Variants in ZDHHC14 observed in about 807,000 individuals in gnomAD.
The protein encoded by ZDHHC14 is palmitoyltransferase ZDHHC14.
Under a neutral mutation model 47.7 loss-of-function variants are expected in ZDHHC14, and 16 were observed. The observed-to-expected ratio is 0.34, with a 90% CI of 0.23 to 0.51. The LOEUF (loss-of-function observed/expected upper bound fraction) is 0.51, where lower values mean the gene tolerates loss of function less well. ZDHHC14 is among the 20% of genes least tolerant of loss of function. The pLI is 0.97. For missense variants in ZDHHC14, 515 were observed against 662.5 expected (o/e 0.78, Z 2.44); for synonymous variants, 293 against 278.9 (o/e 1.05, Z -0.50).
chr6:157,589,044 GA>G (rs1783805259), intron 2 of ZDHHC14, among the ~76,000 whole-genome samples: 1 of 152,116 alleles, frequency 6.6e-6, no homozygotes, highest in African/African-American at 2.4e-5. Context: ...ATAAAGAAAA[GA>G]GGTTTTATTG....
chr6:157,563,982 C>T (rs1013404373), intron 2 of ZDHHC14, among the ~76,000 whole-genome samples: 1 of 152,180 alleles, frequency 6.6e-6, no homozygotes, highest in Admixed American at 6.5e-5. Flanking sequence ...ACCCCAAGGG[C>T]CAGACAGAAA....
At chr6:157,600,758 G>T (rs867428024) in intron 3 of ZDHHC14, among the ~76,000 whole-genome samples, 4 of 152,298 alleles carry the variant, frequency 2.6e-5, no homozygotes, top group Non-Finnish European at 4.4e-5. Context: ...GGAAGGTGTG[G>T]TAGGCAGAAT....
chr6:157,443,971 CTTA>C (rs997831877), intron 1 of ZDHHC14, among the ~76,000 whole-genome samples: 1 of 151,994 alleles, frequency 6.6e-6, no homozygotes, highest in Non-Finnish European at 1.5e-5. Flanking sequence ...GTATTGTTAT[CTTA>C]TTATTTTTCA....
At chr6:157,660,002 AT>A (rs1778276195) in intron 8 of ZDHHC14, among the ~76,000 whole-genome samples, 1 of 152,082 alleles carries the variant, frequency 6.6e-6, no homozygotes, top group Admixed American at 6.5e-5. Flanking sequence ...GCGCTTTAGA[AT>A]GGACAGAGCG....
intron 1 of ZDHHC14, among the ~76,000 whole-genome samples, chr6:157,462,997 G>A (rs1779129546): frequency 6.6e-6 from 1 of 152,218 alleles, no homozygotes; most frequent in Admixed American, 6.5e-5. Flanking sequence ...TTTCCTAAAA[G>A]TGCATAAAGA....
At chr6:157,650,110 G>C (rs1183352182) in intron 7 of ZDHHC14, among the ~76,000 whole-genome samples, 1 of 152,028 alleles carries the variant, frequency 6.6e-6, no homozygotes, top group Non-Finnish European at 1.5e-5. Flanking sequence ...AGGCACTGGG[G>C]GTGCACGGGA....
intron 1 of ZDHHC14, among the ~76,000 whole-genome samples, chr6:157,510,595 C>A (rs1780440248): frequency 1.3e-5 from 2 of 152,256 alleles, no homozygotes; most frequent in African/African-American, 4.8e-5. Flanking sequence ...AGGGCCTCCC[C>A]CTACCTTCTG....
intron 1 of ZDHHC14, among the ~76,000 whole-genome samples, chr6:157,443,622 A>G (rs1562426714): frequency 6.6e-6 from 1 of 152,224 alleles, no homozygotes; most frequent in Non-Finnish European, 1.5e-5. Context: ...AAACCAATCT[A>G]TGTGGTGAGG....
chr6:157,585,413 CAA>C (rs111505965), intron 2 of ZDHHC14, among the ~76,000 whole-genome samples: 106 of 98,808 alleles, frequency 1.1e-3, no homozygotes, highest in Admixed American at 1.9e-3. Flanking sequence ...ACCAAAAATA[CAA>C]AAAAAAAAAA....
intron 1 of ZDHHC14, among the ~76,000 whole-genome samples, chr6:157,473,133 T>C (rs1583679648): frequency 6.6e-6 from 1 of 152,234 alleles, no homozygotes; most frequent in Non-Finnish European, 1.5e-5. Flanking sequence ...ATTTAACACA[T>C]ATATTAGCTC....
intron 1 of ZDHHC14, among the ~76,000 whole-genome samples, chr6:157,396,114 C>G (rs1321929212): frequency 6.6e-6 from 1 of 152,046 alleles, no homozygotes; most frequent in African/African-American, 2.4e-5. Flanking sequence ...CATAGGGACA[C>G]CTTTTTGACA....
In ZDHHC14 at chr6:157,609,832, C is replaced by A. The variant is rs564537235; in HGVS notation, c.565+16686C>A. Among the ~76,000 whole-genome samples the A allele has an allele frequency of 3.3e-5, 5 of 152,270 alleles. No individual in the cohort carries two copies. The South Asian group carries it at 1.0e-3, about 32-fold the overall frequency. On this transcript the variant is annotated intron_variant, in intron 3 of 8. Transcript: ENST00000359775. ...AAGCCAGTGGAGTTGGAAGAAGAGC[C>A]CAAAGTGTCAAGGGGAACAAGCAGT...
Position 157,543,692 on chromosome 6 carries a change from G to A in ZDHHC14, c.406+947G>A, listed in dbSNP as rs1019459399. 2.6e-5 allele frequency among the ~76,000 whole-genome samples: 4 copies of A among 152,270 alleles called. No individual in the cohort carries two copies. The South Asian group carries it at 6.2e-4, about 24-fold the overall frequency. ...TAAAGCACAGCTTTGTCCTTCTCTC[G>A]ACATCTGCCTTCATCCTTCATCCCT... On this transcript the variant is annotated intron_variant, in intron 2 of 8. Coordinates refer to ENST00000359775, the MANE Select transcript of ZDHHC14 (RefSeq NM_024630.3).
chr6:157,498,734 C>A (rs897537579), intron 1 of ZDHHC14, among the ~76,000 whole-genome samples: 4 of 152,140 alleles, frequency 2.6e-5, no homozygotes, highest in African/African-American at 7.2e-5. Flanking sequence ...TGCTTTATTT[C>A]TTTTCATGTA....
intron 1 of ZDHHC14, among the ~76,000 whole-genome samples, chr6:157,413,708 G>C (rs1777915868): frequency 6.6e-6 from 1 of 151,518 alleles, no homozygotes; most frequent in South Asian, 2.1e-4. Context: ...TCCGTCTAAA[G>C]CCTGTCTCCA....
At chr6:157,642,668 T>C (rs1162298116) in intron 5 of ZDHHC14, among the ~76,000 whole-genome samples, 1 of 152,370 alleles carries the variant, frequency 6.6e-6, no homozygotes, top group East Asian at 1.9e-4. Flanking sequence ...CAGCTGCTTA[T>C]GAAATTGGCT....
At chr6:157,653,306 C>T (rs1314477170) in intron 7 of ZDHHC14, among the ~76,000 whole-genome samples, 1 of 152,124 alleles carries the variant, frequency 6.6e-6, no homozygotes, top group African/African-American at 2.4e-5. Flanking sequence ...CGCCCTTGGC[C>T]TGGCGAGGAG....
chr6:157,563,255 G>A (rs937088470), intron 2 of ZDHHC14, among the ~76,000 whole-genome samples: 6 of 152,318 alleles, frequency 3.9e-5, no homozygotes, highest in African/African-American at 1.4e-4. Flanking sequence ...CACGGCCACC[G>A]CTTAGCAATG....
intron 1 of ZDHHC14, among the ~76,000 whole-genome samples, chr6:157,426,964 A>C (rs1015420524): frequency 8.5e-5 from 13 of 152,326 alleles, no homozygotes; most frequent in Middle Eastern, 6.8e-3. Context: ...CCTTTCTATA[A>C]AAGGCAGCTG....
Sources: gnomAD v4.1 joint callset for allele counts (sites outside exome capture counted in the v4.1 genomes callset) on GRCh38, gnomAD v4.1.1 for gene constraint, MANE v1.5 for transcripts, NCBI Gene and HGNC (gene_info 2026-07-23, HGNC 2026-07-21) for gene names.